The following TLE1 variants were observed in gnomAD, a reference collection of about 807,000 sequenced individuals.
TLE1 encodes the protein TLE family member 1, transcriptional corepressor.
A neutral mutation model predicts 89.8 loss-of-function variants in TLE1; 21 were observed. That is an observed-to-expected ratio of 0.23 (90% CI 0.17 to 0.34). TLE1 has a LOEUF of 0.34. Ranked by LOEUF, TLE1 falls within the 10% of genes least tolerant of loss-of-function variation. The pLI, the probability that TLE1 is intolerant of heterozygous loss-of-function variation, is 1.00. For missense variants in TLE1, 795 were observed against 1,031.2 expected, an observed-to-expected ratio of 0.77 and a Z score of 3.14; for synonymous variants, 447 against 407.6, an observed-to-expected ratio of 1.10 and a Z score of -1.16.
intron 16 of TLE1, among the ~76,000 whole-genome samples, chr9:81,589,902 G>A (rs1475378329): frequency 6.6e-6 from 1 of 152,072 alleles, no homozygotes; most frequent in Non-Finnish European, 1.5e-5. Flanking sequence ...CCCACACGCA[G>A]GGACCGGGCC....
At chr9:81,675,273 T>C (rs564391423) in intron 4 of TLE1, among the ~76,000 whole-genome samples, 1 of 152,296 alleles carries the variant, frequency 6.6e-6, no homozygotes, top group South Asian at 2.1e-4. Context: ...ATTCTGTAAT[T>C]TGAAATTTTT....
intron 7 of TLE1, 198 bp from the exon 8 acceptor site, chr9:81,633,562 T>A: frequency 2.8e-6 from 2 of 706,698 alleles, no homozygotes; most frequent in Non-Finnish European, 4.6e-6. Flanking sequence ...ACATAAGATT[T>A]ACAGTTTAAC....
intron 14 of TLE1, chr9:81,600,157 G>A (rs758756292): frequency 4.2e-6 from 3 of 712,734 alleles, no homozygotes; most frequent in Admixed American, 2.1e-5. Flanking sequence ...TTCTTGGATG[G>A]AAAGTAAAAC....
At chr9:81,629,233 CA>C (rs1360957772) in intron 8 of TLE1, among the ~76,000 whole-genome samples, 1 of 152,112 alleles carries the variant, frequency 6.6e-6, no homozygotes, top group Non-Finnish European at 1.5e-5. Flanking sequence ...AACTTTTTGT[CA>C]ATTATCTCTT....
At chr9:81,630,726 T>G (rs186311388) in intron 8 of TLE1, among the ~76,000 whole-genome samples, 36 of 152,324 alleles carry the variant, frequency 2.4e-4, no homozygotes, top group African/African-American at 8.4e-4. Flanking sequence ...CAAGTAAAAT[T>G]AGACTTTCTA....
rs1288765250 is a variant in TLE1, at chr9:81,613,491, AT to A, written c.948del (p.Lys316AsnfsTer32). 2 of 1,614,082 alleles carry A rather than the reference AT, an allele frequency of 1.2e-6. No individual in the cohort carries two copies. Among genetic ancestry groups the A allele is most frequent in the Admixed American group, 1.7e-5 (1 of 60,014 alleles). ...TCGCTCCGAGGCGTTGGTGTGCTGG[AT>A]TTCAGAACAGGCGTGCTGGCTTTTT... Reference protein sequence around the residue: ...LHEKASTPVLKSSTPTPRSDM... With the variant: ...LHEKASTPVLXSSTPTPRSDM... On this transcript the variant is annotated frameshift_variant, in exon 12 of 20. Coordinates refer to ENST00000376499, the MANE Select transcript of TLE1 (RefSeq NM_005077.5). LOFTEE classifies it high-confidence loss of function.
At chr9:81,633,276 T>C (rs1588053086) in intron 8 of TLE1, 72 bp downstream of exon 8, 3 of 1,601,580 alleles carry the variant, frequency 1.9e-6, no homozygotes, top group Non-Finnish European at 2.6e-6. Context: ...AGAAGTGTTG[T>C]CAGAAGGGGA....
intron 6 of TLE1, among the ~76,000 whole-genome samples, chr9:81,651,245 G>T (rs1212034309): frequency 6.6e-6 from 1 of 152,172 alleles, no homozygotes; most frequent in Non-Finnish European, 1.5e-5. Flanking sequence ...ACTCACATAT[G>T]AATAAAATCA....
intron 4 of TLE1, among the ~76,000 whole-genome samples, chr9:81,676,734 T>C (rs545644881): frequency 1.6e-4 from 24 of 152,170 alleles, no homozygotes; most frequent in African/African-American, 5.8e-4. Flanking sequence ...CTGAAGACAA[T>C]TTACATCTGC....
intron 7 of TLE1, chr9:81,633,707 A>T (rs891101569): frequency 2.1e-5 from 10 of 481,934 alleles, no homozygotes; most frequent in Non-Finnish European, 3.7e-5. Context: ...TAACAGATGC[A>T]ATTATCAAAC....
At position 81,616,141 on chromosome 9, in the gene TLE1, A is replaced by C; in HGVS notation, c.766-7T>G. 6.3e-7 allele frequency: 1 copy of C among 1,592,706 alleles called. No individual in the cohort carries two copies. Among genetic ancestry groups the C allele is most frequent in the Non-Finnish European group, 8.5e-7 (1 of 1,173,582 alleles). On this transcript the variant is annotated splice_polypyrimidine_tract_variant and splice_region_variant and intron_variant, in intron 10 of 19. Transcript: ENST00000376499. ...CTCGCGGAGAAGAAGGGTCCTCAAC[A>C]AGCATAATCAAAAGTTTTCGTGATT... is the stretch of plus-strand genomic sequence containing the variant.
At chr9:81,631,121 A>AG (rs1826539401) in intron 8 of TLE1, among the ~76,000 whole-genome samples, 1 of 152,224 alleles carries the variant, frequency 6.6e-6, no homozygotes, top group Non-Finnish European at 1.5e-5. Context: ...CATTTGAACT[A>AG]GAAAGTTCGT....
intron 4 of TLE1, among the ~76,000 whole-genome samples, chr9:81,669,263 T>G (rs1445948148): frequency 2.0e-5 from 3 of 152,236 alleles, no homozygotes; most frequent in African/African-American, 7.2e-5. Flanking sequence ...GTGAGAACGC[T>G]GCAAATGGCT....
intron 4 of TLE1, among the ~76,000 whole-genome samples, chr9:81,654,702 C>A (rs1056967257): frequency 1.3e-5 from 2 of 152,160 alleles, no homozygotes; most frequent in African/African-American, 2.4e-5. Context: ...CAAGTTCATT[C>A]AAGCGGGTGT....
At chr9:81,687,477 G>A (rs917525373) in intron 1 of TLE1, 43 bp from the exon 2 acceptor site, 1 of 1,486,072 alleles carries the variant, frequency 6.7e-7, no homozygotes, top group Non-Finnish European at 9.3e-7. Flanking sequence ...GGGAATGCGG[G>A]CGGATGAATA....
intron 4 of TLE1, among the ~76,000 whole-genome samples, chr9:81,677,287 C>T (rs10429620): frequency 0.018 from 2,663 of 151,448 alleles, 89 homozygotes; most frequent in African/African-American, 0.06. Flanking sequence ...CAACTCAGGC[C>T]GGGCGCAGTG....
chr9:81,654,782 G>A (rs1053241630), intron 4 of TLE1, among the ~76,000 whole-genome samples: 5 of 152,200 alleles, frequency 3.3e-5, no homozygotes, highest in African/African-American at 1.2e-4. Context: ...AGGTGATAGA[G>A]TAGAAGAAAG....
intron 9 of TLE1, among the ~76,000 whole-genome samples, chr9:81,618,995 T>A (rs1190537023): frequency 6.6e-6 from 1 of 152,166 alleles, no homozygotes; most frequent in Non-Finnish European, 1.5e-5. Context: ...ACCTAGTACA[T>A]GCAGGTTACA....
In TLE1 at chr9:81,689,511, C is replaced by T. The variant is rs968602219; in HGVS notation, c.-1271G>A. 3.9e-5 allele frequency among the ~76,000 whole-genome samples: 6 copies of T among 152,044 alleles called. No homozygotes were observed. The highest frequency in any genetic ancestry group is 8.8e-5 in the Non-Finnish European group (6 of 67,972). On this transcript the variant is annotated 5_prime_UTR_variant, in exon 1 of 20. Coordinates refer to ENST00000376499, the MANE Select transcript of TLE1 (RefSeq NM_005077.5). The stretch of plus-strand genomic sequence containing the variant: ...CTGCTTCTGCAGCCGCCGCTCCCAC[C>T]GCCGCCGCCGCCCGCGCCTCTCGCG...
Sources: gnomAD v4.1 joint callset for allele counts (sites outside exome capture counted in the v4.1 genomes callset) on GRCh38, gnomAD v4.1.1 for gene constraint, MANE v1.5 for transcripts, NCBI Gene and HGNC (gene_info 2026-07-23, HGNC 2026-07-21) for gene names.